SLC25A22: variants seen among roughly 807,000 people sequenced by gnomAD.
SLC25A22 encodes the protein mitochondrial glutamate carrier 1.
In SLC25A22, 23 loss-of-function variants were observed where a neutral mutation model predicts 33.7. That is an observed-to-expected ratio of 0.68 (90% CI 0.49 to 0.97). SLC25A22 has a LOEUF of 0.97. Ranked by LOEUF, SLC25A22 falls within the 50% of genes least tolerant of loss-of-function variation. The pLI, the probability that SLC25A22 is intolerant of heterozygous loss-of-function variation, is 0.00. For synonymous variants in SLC25A22, 245 were observed against 203.8 expected (o/e 1.20, Z -1.72); for missense variants, 390 against 451.1 (o/e 0.86, Z 1.23).
intron 6 of SLC25A22, 56 bp from the exon 7 acceptor site, chr11:792,783 C>T (rs1223951832): frequency 6.5e-7 from 1 of 1,549,496 alleles, no homozygotes; most frequent in Non-Finnish European, 8.7e-7. Context: ...AGGGGACACG[C>T]TCTGGCCCTC....
At chr11:797,240 C>G (rs147879150) in intron 1 of SLC25A22, among the ~76,000 whole-genome samples, 320 of 152,320 alleles carry the variant, frequency 2.1e-3, no homozygotes, top group Non-Finnish European at 3.8e-3. Flanking sequence ...TCACCCAGTG[C>G]AGCGGAGAGG....
At chr11:795,614 G>T in intron 1 of SLC25A22, 1 of 213,338 alleles carries the variant, frequency 4.7e-6, no homozygotes, top group Non-Finnish European at 9.6e-6. Context: ...AGGGGCTGGG[G>T]TCCCGGGCGC....
intron 6 of SLC25A22, 71 bp downstream of exon 6, chr11:792,799 G>C: frequency 5.2e-6 from 8 of 1,551,330 alleles, no homozygotes; most frequent in Non-Finnish European, 6.1e-6. Flanking sequence ...CCCTCCCTGC[G>C]TCCCCACCCT....
intron 1 of SLC25A22, among the ~76,000 whole-genome samples, chr11:796,570 G>A (rs1372562987): frequency 6.6e-6 from 1 of 152,156 alleles, no homozygotes; most frequent in African/African-American, 2.4e-5. Context: ...GGCTTTCTCC[G>A]GGCCAGGGTA....
chr11:791,988 C>T lies in SLC25A22; in HGVS notation c.899G>A (p.Gly300Asp). Reference protein sequence around the residue: ...CRALVIAPLFGIAQVVYFLGI... With the variant: ...CRALVIAPLFDIAQVVYFLGI... ...CAGGAAGTAGACCACCTGTGCGATGCCGAAAAGGGGCGCGATGACCAGCGC... is the reference window on the plus strand; with the variant it reads ...CAGGAAGTAGACCACCTGTGCGATGTCGAAAAGGGGCGCGATGACCAGCGC... Residue 300 changes from glycine (G) to aspartate (D), a missense_variant, in exon 10 of 10, where the codon GGC (glycine) becomes GAC (aspartate). By Grantham distance (94) the Gly-to-Asp change is moderately conservative. Coordinates refer to ENST00000628067, the MANE Select transcript of SLC25A22 (RefSeq NM_001191061.2). 6.2e-7 allele frequency: 1 copy of T among 1,609,426 alleles called. No homozygotes were observed. Among genetic ancestry groups the T allele is most frequent in the Non-Finnish European group, 8.5e-7 (1 of 1,179,228 alleles).
chr11:794,526 G>C lies in SLC25A22; in HGVS notation c.147-13C>G. 6.2e-7 allele frequency: 1 copy of C among 1,611,800 alleles called. No individual in the cohort carries two copies. Among genetic ancestry groups the C allele is most frequent in the Non-Finnish European group, 8.5e-7 (1 of 1,179,486 alleles). On this transcript the variant is annotated splice_polypyrimidine_tract_variant and intron_variant, in intron 3 of 9. Coordinates refer to ENST00000628067, the MANE Select transcript of SLC25A22 (RefSeq NM_001191061.2). ...GAGGCAGTCGGACCTGTGGCCAAGG[G>C]GACAGGGTGAGCCAGGGCCAGCTGG...
intron 4 of SLC25A22, 50 bp downstream of exon 4, chr11:794,408 G>A (rs1233473950): frequency 2.5e-6 from 4 of 1,597,308 alleles, no homozygotes; most frequent in Non-Finnish European, 3.4e-6. Context: ...CACGACTCGC[G>A]GGCGCTACCC....
rs758529998 is a variant in SLC25A22 at position 795,013 on chromosome 11, C to T, written c.-7G>A. On this transcript the variant is annotated 5_prime_UTR_variant, in exon 2 of 10. Transcript: ENST00000628067. ...TGATCTGCTTATCAGCCATTTAACT[C>T]GATTGCACCCAGGTAGGAGCCGCAG... 29 of 1,554,136 alleles carry T rather than the reference C, an allele frequency of 1.9e-5. No homozygotes were observed. The highest frequency in any genetic ancestry group is 3.6e-5 in the South Asian group (3 of 84,246).
chr11:793,299 G>A (rs1021345300), intron 5 of SLC25A22, among the ~76,000 whole-genome samples: 1 of 152,184 alleles, frequency 6.6e-6, no homozygotes, highest in African/African-American at 2.4e-5. Flanking sequence ...TGGGGGAGCT[G>A]GTCAGTGCCC....
chr11:793,471 ACC>A, intron 5 of SLC25A22, 56 bp downstream of exon 5: 2 of 1,547,658 alleles, frequency 1.3e-6, no homozygotes, highest in African/African-American at 1.4e-5. Context: ...GGCAGGGTGG[ACC>A]CATCCTTTAT....
chr11:797,415 T>C (rs1864884386), intron 1 of SLC25A22: 1 of 392,728 alleles, frequency 2.5e-6, no homozygotes. Flanking sequence ...CTGATGTTGC[T>C]ATAGAAACCC....
intron 7 of SLC25A22, 34 bp downstream of exon 7, chr11:792,519 C>T (rs1474876248): frequency 1.2e-6 from 2 of 1,612,490 alleles, no homozygotes; most frequent in African/African-American, 2.7e-5. Context: ...CCGGCCTCCC[C>T]CTTCCCTCCC....
At position 795,937 on chromosome 11, in the gene SLC25A22, C is replaced by T. The variant is rs1248269171; in HGVS notation, c.-163-768G>A. On this transcript the variant is annotated intron_variant, in intron 1 of 9. Transcript: ENST00000628067. ...CCACTAAGCAGCAAGGCTGGGGAGC[C>T]ACAGCCAGCCTCAGGGGCCTCCCAT... is the stretch of plus-strand genomic sequence containing the variant. 2.0e-5 allele frequency: 3 copies of T among 152,534 alleles called. No individual in the cohort carries two copies. The East Asian group carries it at 5.8e-4, about 30-fold the overall frequency. 9.4% of individuals were successfully genotyped at this position (152,534 alleles called of 1,614,324 possible).
intron 2 of SLC25A22, 34 bp downstream of exon 2, chr11:794,953 G>A (rs1298651540): frequency 6.4e-7 from 1 of 1,562,770 alleles, no homozygotes; most frequent in Non-Finnish European, 8.7e-7. Context: ...GGTCAGGGTG[G>A]GGGTGAGGCA....
In SLC25A22 at chr11:794,932, C is replaced by T. The variant is rs750723971; in HGVS notation, c.21-31G>A. 7.8e-5 allele frequency: 122 copies of T among 1,563,796 alleles called. 3 individuals carry two copies. In the South Asian group the frequency reaches 1.4e-3, roughly 18 times the overall value. On this transcript the variant is annotated intron_variant, in intron 2 of 9. Transcript: ENST00000628067. ...TGGACAGGGGTGTCAGGACCGGCTT[C>T]CTTGACCATGGGTCAGGGTGGGGGT...
intron 1 of SLC25A22, 32 bp from the exon 2 acceptor site, chr11:795,201 G>A (rs1345516087): frequency 1.2e-5 from 9 of 722,570 alleles, no homozygotes; most frequent in East Asian, 2.7e-5. Context: ...AATGAGTGAG[G>A]GTGGGGCCAC....
intron 1 of SLC25A22, among the ~76,000 whole-genome samples, chr11:797,073 C>T (rs890902354): frequency 1.3e-5 from 2 of 152,206 alleles, no homozygotes; most frequent in Admixed American, 6.5e-5. Flanking sequence ...CAACCCCCTT[C>T]CTCCTGGGAG....
rs551988325 is a variant in SLC25A22, at chr11:792,524, C to T, written c.587+29G>A. On this transcript the variant is annotated intron_variant, in intron 7 of 9. Transcript: ENST00000628067. ...GGTGGGCAGGCCGGCCTCCCCCTTC[C>T]CTCCCCCCACCTGCCCTGTGCCTCC... 4 of 1,612,436 alleles carry T rather than the reference C, an allele frequency of 2.5e-6. No individual in the cohort carries two copies. In the Admixed American group the frequency reaches 5.0e-5, roughly 20 times the overall value.
At chr11:796,477 T>C (rs1200150574) in intron 1 of SLC25A22, 1 of 151,590 alleles carries the variant, frequency 6.6e-6, no homozygotes, top group African/African-American at 2.5e-5. Flanking sequence ...CCAGCACACA[T>C]GTGTTCCTGT....
Sources: gnomAD v4.1 joint callset for allele counts (sites outside exome capture counted in the v4.1 genomes callset) on GRCh38, gnomAD v4.1.1 for gene constraint, MANE v1.5 for transcripts, NCBI Gene and HGNC (gene_info 2026-07-23, HGNC 2026-07-21) for gene names.